Variants in ZDHHC3 observed in about 807,000 individuals in gnomAD.
ZDHHC3 encodes zDHHC palmitoyltransferase 3.
A neutral mutation model predicts 30.6 loss-of-function variants in ZDHHC3; 9 were observed. The ratio of observed to expected loss-of-function variants is 0.29; its 90% CI spans 0.18 to 0.51. The LOEUF (loss-of-function observed/expected upper bound fraction) is 0.51, where lower values mean the gene tolerates loss of function less well. Ranked by LOEUF, ZDHHC3 falls within the 20% of genes least tolerant of loss-of-function variation. The probability of loss-of-function intolerance (pLI) is 0.97; values close to 1 mark genes in which losing one functional copy is unlikely to be tolerated. For synonymous variants in ZDHHC3, 136 were observed against 140.2 expected, an observed-to-expected ratio of 0.97 and a Z score of 0.21; for missense variants, 246 against 384.2, an observed-to-expected ratio of 0.64 and a Z score of 3.01.
chr3:44,969,943 G>T (rs1024983490), intron 1 of ZDHHC3: 8 of 152,244 alleles, frequency 5.3e-5, no homozygotes, highest in African/African-American at 1.9e-4. Flanking sequence ...ATCAGCAAAG[G>T]TTCCCACCTG....
rs758309901 is a variant in ZDHHC3, at chr3:44,919,747, T to G, written c.*6942A>C. On this transcript the variant is annotated 3_prime_UTR_variant, in exon 7 of 7. Coordinates refer to ENST00000424952, the MANE Select transcript of ZDHHC3 (RefSeq NM_001135179.2). ...CAGGGTTTTATATTTGTATTATGGTTGTATAAAATGTTTACCTTTGGTGAG... is the reference window on the plus strand; with the variant it reads ...CAGGGTTTTATATTTGTATTATGGTGGTATAAAATGTTTACCTTTGGTGAG... 1 of 392,292 alleles carries G rather than the reference T, an allele frequency of 2.5e-6. No homozygotes were observed. Among genetic ancestry groups the G allele is most frequent in the African/African-American group, 2.2e-5 (1 of 45,796 alleles). The allele number at this position is 392,292 out of a possible 1,614,324, so 24.3% of individuals were successfully genotyped here.
At chr3:44,944,715 T>A (rs1008890357) in intron 3 of ZDHHC3, among the ~76,000 whole-genome samples, 16 of 152,232 alleles carry the variant, frequency 1.1e-4, no homozygotes, top group Admixed American at 5.2e-4. Context: ...TCTGCAACTA[T>A]CATAACCTTT....
chr3:44,925,394 G>A lies in ZDHHC3; in HGVS notation c.*1295C>T. The A allele has an allele frequency of 1.0e-6, 1 of 985,738 alleles. No homozygotes were observed. 61.1% of individuals were successfully genotyped at this position (985,738 alleles called of 1,614,324 possible). A position where few individuals can be genotyped will look rare whatever the true frequency, so the allele number is the denominator to read the frequency against. ...GCTTAAAAAACAAATCAATGTGTGA[G>A]AATTCCCCGATGGTCAATAATCATA... On this transcript the variant is annotated 3_prime_UTR_variant, in exon 7 of 7. Coordinates refer to ENST00000424952, the MANE Select transcript of ZDHHC3 (RefSeq NM_001135179.2).
chr3:44,923,077 G>C lies in ZDHHC3; in HGVS notation c.*3612C>G, dbSNP rs1056816322. On this transcript the variant is annotated 3_prime_UTR_variant, in exon 7 of 7. Coordinates refer to ENST00000424952, the MANE Select transcript of ZDHHC3 (RefSeq NM_001135179.2). The stretch of plus-strand genomic sequence containing the variant: ...CCAACCTCACATACATGTTTAAAAT[G>C]TTTGTTTTTTTTTTTTGAGACGGAG... 2 of 935,844 alleles carry C rather than the reference G, an allele frequency of 2.1e-6. No homozygotes were observed. Among genetic ancestry groups the C allele is most frequent in the Non-Finnish European group, 2.5e-6 (2 of 813,226 alleles). The allele number at this position is 935,844 out of a possible 1,614,324, so 58.0% of individuals were successfully genotyped here.
Position 44,929,328 on chromosome 3 carries a change from T to C in ZDHHC3, c.719A>G (p.His240Arg), listed in dbSNP as rs1391159453. ...FTSVMFGTQVHSICTDETGIE... is the reference protein window; with the variant it reads ...FTSVMFGTQVRSICTDETGIE... Reference sequence around the variant, plus strand: ...TACCGTCTCATCTGTGCAGATGGAGTGCACCTGGGTCCCAAACATCACTGA... The same window carrying C: ...TACCGTCTCATCTGTGCAGATGGAGCGCACCTGGGTCCCAAACATCACTGA... Residue 240 changes from histidine (H) to arginine (R), a missense_variant, in exon 6 of 7, where the codon CAC (histidine) becomes CGC (arginine). Physicochemically the swap from His to Arg is conservative, Grantham distance 29. Transcript: ENST00000424952. 6.2e-7 allele frequency: 1 copy of C among 1,613,860 alleles called. No individual in the cohort carries two copies. The highest frequency in any genetic ancestry group is 1.3e-5 in the African/African-American group (1 of 74,896).
In ZDHHC3 at chr3:44,917,988, C is replaced by T. The variant is rs762759905; in HGVS notation, c.*8701G>A. On this transcript the variant is annotated 3_prime_UTR_variant, in exon 7 of 7. Coordinates refer to ENST00000424952, the MANE Select transcript of ZDHHC3 (RefSeq NM_001135179.2). ...TGTCTGACAGCGATGTCACCTGCCGCACCATGTCTTTGTCACTGGGGATCT... is the reference window on the plus strand; with the variant it reads ...TGTCTGACAGCGATGTCACCTGCCGTACCATGTCTTTGTCACTGGGGATCT... The T allele has an allele frequency of 7.7e-6, 10 of 1,305,332 alleles. No individual in the cohort carries two copies. Among genetic ancestry groups the T allele is most frequent in the Middle Eastern group, 2.1e-4 (1 of 4,720 alleles). The allele number at this position is 1,305,332 out of a possible 1,614,324, so 80.9% of individuals were successfully genotyped here. A position where few individuals can be genotyped will look rare whatever the true frequency, so the allele number is the denominator to read the frequency against.
At position 44,925,354 on chromosome 3, in the gene ZDHHC3, G is replaced by C; in HGVS notation, c.*1335C>G. On this transcript the variant is annotated 3_prime_UTR_variant, in exon 7 of 7. Coordinates refer to ENST00000424952, the MANE Select transcript of ZDHHC3 (RefSeq NM_001135179.2). ...CACCCCAAGCAAAAGCTAAAAAAGGGGGTTTCTGGCAATTGCTTAAAAAAC... is the reference window on the plus strand; with the variant it reads ...CACCCCAAGCAAAAGCTAAAAAAGGCGGTTTCTGGCAATTGCTTAAAAAAC... 1 of 985,800 alleles carries C rather than the reference G, an allele frequency of 1.0e-6. No homozygotes were observed. The highest frequency in any genetic ancestry group is 1.2e-6 in the Non-Finnish European group (1 of 829,938). The allele number at this position is 985,800 out of a possible 1,614,324, so 61.1% of individuals were successfully genotyped here. A position where few individuals can be genotyped will look rare whatever the true frequency, so the allele number is the denominator to read the frequency against.
rs368707602 is a variant in ZDHHC3 at position 44,924,253 on chromosome 3, T to C, written c.*2436A>G. ...AGAGCTCAGGGATGCTTTCCCTTCC[T>C]GTCCTGTGTGGAAGCCAGGCTGGGA... On this transcript the variant is annotated 3_prime_UTR_variant, in exon 7 of 7. Transcript: ENST00000424952. 111 of 985,468 alleles carry C rather than the reference T, an allele frequency of 1.1e-4. No individual in the cohort carries two copies. The African/African-American group carries it at 1.9e-3, about 17-fold the overall frequency. The allele number at this position is 985,468 out of a possible 1,614,324, so 61.0% of individuals were successfully genotyped here.
At position 44,922,718 on chromosome 3, in the gene ZDHHC3, G is replaced by A. The variant is rs972651614; in HGVS notation, c.*3971C>T. On this transcript the variant is annotated 3_prime_UTR_variant, in exon 7 of 7. Transcript: ENST00000424952. Reference sequence around the variant, plus strand: ...ATCACCTGGAGGGCTGTTAAGACACGGGCTGCTGGGCCCCGCTCGGTTTCT... The same window carrying A: ...ATCACCTGGAGGGCTGTTAAGACACAGGCTGCTGGGCCCCGCTCGGTTTCT... The A allele has an allele frequency of 2.9e-5, 29 of 984,688 alleles. No homozygotes were observed. The highest frequency in any genetic ancestry group is 1.1e-4 in the East Asian group (1 of 8,816). The allele number at this position is 984,688 out of a possible 1,614,324, so 61.0% of individuals were successfully genotyped here.
Position 44,925,025 on chromosome 3 carries a change from T to C in ZDHHC3, c.*1664A>G, listed in dbSNP as rs1384653491. ...GCTGGTTCAAGAGAGGGACCATAAATGCATTTTAAAACAAAAAAAATAAAG... is the reference window on the plus strand; with the variant it reads ...GCTGGTTCAAGAGAGGGACCATAAACGCATTTTAAAACAAAAAAAATAAAG... On this transcript the variant is annotated 3_prime_UTR_variant, in exon 7 of 7. Transcript: ENST00000424952. 3.0e-6 allele frequency: 3 copies of C among 985,370 alleles called. No homozygotes were observed. Among genetic ancestry groups the C allele is most frequent in the African/African-American group, 3.5e-5 (2 of 57,146 alleles). The allele number at this position is 985,370 out of a possible 1,614,324, so 61.0% of individuals were successfully genotyped here.
intron 5 of ZDHHC3, among the ~76,000 whole-genome samples, chr3:44,930,245 CAA>C (rs1164359369): frequency 1.3e-5 from 2 of 152,200 alleles, no homozygotes; most frequent in Non-Finnish European, 2.9e-5. Context: ...TTTGTCTGAA[CAA>C]AGTCTAAGTC....
intron 2 of ZDHHC3, among the ~76,000 whole-genome samples, chr3:44,957,082 C>T (rs1704016664): frequency 6.6e-6 from 1 of 152,176 alleles, no homozygotes; most frequent in Non-Finnish European, 1.5e-5. Flanking sequence ...CTTGTAGCTT[C>T]ATGCCATTCA....
rs1700214581 is a variant in ZDHHC3, at chr3:44,916,927, G to T, written c.*9762C>A. The T allele has an allele frequency of 6.6e-6, 1 of 152,128 alleles. No individual in the cohort carries two copies. The highest frequency in any genetic ancestry group is 1.5e-5 in the Non-Finnish European group (1 of 68,026). The allele number at this position is 152,128 out of a possible 1,614,324, so 9.4% of individuals were successfully genotyped here. On this transcript the variant is annotated 3_prime_UTR_variant, in exon 7 of 7. Coordinates refer to ENST00000424952, the MANE Select transcript of ZDHHC3 (RefSeq NM_001135179.2). ...ACCCATCTTTTCAGAGACAAGATGG[G>T]CACCAATTTGGGAGAACTGGCCTTT... is the stretch of plus-strand genomic sequence containing the variant.
At chr3:44,929,769 G>A (rs747003873) in intron 5 of ZDHHC3, among the ~76,000 whole-genome samples, 11 of 152,178 alleles carry the variant, frequency 7.2e-5, no homozygotes, top group East Asian at 1.9e-4. Flanking sequence ...AGGCATGAAC[G>A]CCTGACGACA....
At position 44,975,984 on chromosome 3, in the gene ZDHHC3, G is replaced by A. The variant is rs1705948772; in HGVS notation, c.-76C>T. Reference sequence around the variant, plus strand: ...CCCAGACCCCGGTGGGGCTCCCGCCGCCGCCGCCGCTGCCTTCCCCTGCAG... The same window carrying A: ...CCCAGACCCCGGTGGGGCTCCCGCCACCGCCGCCGCTGCCTTCCCCTGCAG... On this transcript the variant is annotated 5_prime_UTR_variant, in exon 1 of 7. Transcript: ENST00000424952. The A allele has an allele frequency of 6.2e-6, 2 of 321,584 alleles. No individual in the cohort carries two copies. Among genetic ancestry groups the A allele is most frequent in the Non-Finnish European group, 5.6e-6 (1 of 178,246 alleles). The allele number at this position is 321,584 out of a possible 1,614,324, so 19.9% of individuals were successfully genotyped here.
chr3:44,951,317 G>C (rs531133308), intron 2 of ZDHHC3, among the ~76,000 whole-genome samples: 1 of 152,308 alleles, frequency 6.6e-6, no homozygotes, highest in South Asian at 2.1e-4. Flanking sequence ...TCTGCACAGA[G>C]CTCTGAGTTT....
At position 44,919,621 on chromosome 3, in the gene ZDHHC3, T is replaced by C. The variant is rs1700454538; in HGVS notation, c.*7068A>G. ...GAGACTAAGGAGACATCGCAAATGA[T>C]GCAGTGTGGGATCCTGGAACAGAAA... On this transcript the variant is annotated 3_prime_UTR_variant, in exon 7 of 7. Coordinates refer to ENST00000424952, the MANE Select transcript of ZDHHC3 (RefSeq NM_001135179.2). 6.6e-6 allele frequency among the ~76,000 whole-genome samples: 1 copy of C among 152,222 alleles called. No homozygotes were observed. Among genetic ancestry groups the C allele is most frequent in the Admixed American group, 6.5e-5 (1 of 15,276 alleles).
At chr3:44,954,522 T>G (rs769132287) in intron 2 of ZDHHC3, among the ~76,000 whole-genome samples, 2 of 152,160 alleles carry the variant, frequency 1.3e-5, no homozygotes, top group Non-Finnish European at 2.9e-5. Flanking sequence ...TCTATGATGT[T>G]TGCACAATGG....
intron 2 of ZDHHC3, among the ~76,000 whole-genome samples, chr3:44,945,996 T>A (rs1702898331): frequency 6.6e-6 from 1 of 152,210 alleles, no homozygotes; most frequent in South Asian, 2.1e-4. Context: ...TATTTTTTGG[T>A]CTATATTAAA....
Sources: gnomAD v4.1 joint callset for allele counts (sites outside exome capture counted in the v4.1 genomes callset) on GRCh38, gnomAD v4.1.1 for gene constraint, MANE v1.5 for transcripts, NCBI Gene and HGNC (gene_info 2026-07-23, HGNC 2026-07-21) for gene names.